The following ALMS1 variants were observed in gnomAD, a reference collection of about 807,000 sequenced individuals.
ALMS1 encodes ALMS1 centrosome and basal body associated protein.
A neutral mutation model predicts 352.2 loss-of-function variants in ALMS1; 271 were observed. The observed-to-expected ratio is 0.77, with a 90% CI of 0.70 to 0.85. ALMS1 has a LOEUF of 0.85. ALMS1 is among the 40% of genes least tolerant of loss of function. The pLI is 0.00. For missense variants in ALMS1, 5,445 were observed against 4,870.7 expected (o/e 1.12, Z -3.51); for synonymous variants, 1,865 against 1,761.2 (o/e 1.06, Z -1.48).
intron 16 of ALMS1, among the ~76,000 whole-genome samples, chr2:73,586,759 G>A (rs1171778762): frequency 2.6e-5 from 4 of 151,980 alleles, no homozygotes; most frequent in Non-Finnish European, 5.9e-5. Flanking sequence ...ATGAATTTTA[G>A]GATTGTTTTT....
At chr2:73,541,764 C>A (rs949086736) in intron 12 of ALMS1, among the ~76,000 whole-genome samples, 6 of 152,320 alleles carry the variant, frequency 3.9e-5, no homozygotes, top group African/African-American at 1.4e-4. Flanking sequence ...ACTAGAAAAT[C>A]TAGAAGAAAT....
chr2:73,485,025 C>G (rs1572964439), intron 9 of ALMS1, among the ~76,000 whole-genome samples: 1 of 152,068 alleles, frequency 6.6e-6, no homozygotes. Context: ...TTTGAATGTC[C>G]TCCCGTAGCT....
chr2:73,526,439 A>AT (rs1558681522), intron 11 of ALMS1, among the ~76,000 whole-genome samples: 1 of 151,928 alleles, frequency 6.6e-6, no homozygotes, highest in Non-Finnish European at 1.5e-5. Context: ...ATATTTTTCC[A>AT]TTTTTTTGTT....
chr2:73,526,613 A>G (rs925700534), intron 11 of ALMS1, among the ~76,000 whole-genome samples: 32 of 152,098 alleles, frequency 2.1e-4, no homozygotes, highest in African/African-American at 7.2e-4. Flanking sequence ...TAGAAATGTG[A>G]ACTGATTTTT....
At position 73,454,018 on chromosome 2, in the gene ALMS1, A is replaced by G; in HGVS notation, c.7491A>G (p.Lys2497=). The change falls in exon 8 of 23, where the codon AAA becomes AAG. Residue 2497 remains lysine (K), a synonymous_variant. Coordinates refer to ENST00000613296, the MANE Select transcript of ALMS1 (RefSeq NM_001378454.1). ...LQCESSLNHA[K]EILRNAEEEE... is the part of the protein sequence containing the mutation. ...GTGAATCCTCACTGAATCATGCTAA[A>G]GAAATACTCAGAAATGCAGAGGAAG... is the stretch of plus-strand genomic sequence containing the variant. 6.2e-7 allele frequency: 1 copy of G among 1,613,540 alleles called. No homozygotes were observed. The highest frequency in any genetic ancestry group is 8.5e-7 in the Non-Finnish European group (1 of 1,179,744).
intron 9 of ALMS1, among the ~76,000 whole-genome samples, chr2:73,479,816 A>G (rs1036995229): frequency 1.3e-5 from 2 of 152,140 alleles, no homozygotes; most frequent in African/African-American, 4.8e-5. Context: ...CAGGGTGGTT[A>G]TATCATTTAC....
At position 73,422,963 on chromosome 2, in the gene ALMS1, T is replaced by TA. The variant is rs748892226; in HGVS notation, c.753_754insA (p.Ala252SerfsTer8). 1.2e-6 allele frequency: 2 copies of TA among 1,609,838 alleles called. No homozygotes were observed. The highest frequency in any genetic ancestry group is 3.3e-5 in the Admixed American group (2 of 59,998). ...TATTTCATCAAAGTGAACTAAGTTT[T>TA]GCACCTCTGAGGTAGGATGATTTAT... On this transcript the variant is annotated frameshift_variant, in exon 4 of 23. Coordinates refer to ENST00000613296, the MANE Select transcript of ALMS1 (RefSeq NM_001378454.1). LOFTEE classifies it high-confidence loss of function.
chr2:73,511,875 G>A (rs1406673744), intron 10 of ALMS1, among the ~76,000 whole-genome samples: 1 of 152,138 alleles, frequency 6.6e-6, no homozygotes, highest in Non-Finnish European at 1.5e-5. Flanking sequence ...TCAGTGCTGA[G>A]GTTGAGAAAC....
At chr2:73,568,989 C>G (rs13400328) in intron 15 of ALMS1, among the ~76,000 whole-genome samples, 1 of 96,154 alleles carries the variant, frequency 1.0e-5, no homozygotes, top group African/African-American at 3.9e-5. Context: ...GCTGCTGCTT[C>G]TGCTTCTTTT....
chr2:73,593,191 G>GAA (rs1001144321), intron 16 of ALMS1, among the ~76,000 whole-genome samples: 7 of 133,884 alleles, frequency 5.2e-5, no homozygotes, highest in Admixed American at 7.5e-5. Context: ...ATGGATTCAG[G>GAA]AAAAAAAAAA....
chr2:73,590,724 G>A (rs1675414356), intron 16 of ALMS1, among the ~76,000 whole-genome samples: 1 of 146,042 alleles, frequency 6.8e-6, no homozygotes, highest in Non-Finnish European at 1.5e-5. Flanking sequence ...TGTCACCCAG[G>A]CTGGAGTGCA....
In ALMS1 at chr2:73,542,063, C is replaced by CA. The variant is rs769527843; in HGVS notation, c.9907+7120dup. On this transcript the variant is annotated intron_variant, in intron 12 of 22. Transcript: ENST00000613296. ...TACCAAAGCCTGGCAGAGACACAACCAAAAAACAGAATTTTAGACCAATAT... is the reference window on the plus strand; with the variant it reads ...TACCAAAGCCTGGCAGAGACACAACCAAAAAAACAGAATTTTAGACCAATAT... Among the ~76,000 whole-genome samples, 11 of 152,014 alleles carry CA rather than the reference C, an allele frequency of 7.2e-5. No individual in the cohort carries two copies. The East Asian group carries it at 1.7e-3, about 24-fold the overall frequency.
At chr2:73,387,379 T>C (rs913830121) in intron 1 of ALMS1, among the ~76,000 whole-genome samples, 2 of 152,250 alleles carry the variant, frequency 1.3e-5, no homozygotes, top group African/African-American at 4.8e-5. Context: ...TATGTGCTAA[T>C]ATTCTATGAA....
chr2:73,404,174 C>T (rs1387308534), intron 1 of ALMS1, among the ~76,000 whole-genome samples: 1 of 152,234 alleles, frequency 6.6e-6, no homozygotes, highest in Non-Finnish European at 1.5e-5. Context: ...GCTGGGATTA[C>T]AGGTGTGAGC....
intron 1 of ALMS1, among the ~76,000 whole-genome samples, chr2:73,405,171 C>T (rs1303924243): frequency 1.3e-5 from 2 of 152,186 alleles, no homozygotes; most frequent in African/African-American, 2.4e-5. Context: ...GCCTTGGCCT[C>T]CCAAAGTACT....
At chr2:73,590,876 T>C (rs1239846945) in intron 16 of ALMS1, among the ~76,000 whole-genome samples, 1 of 152,082 alleles carries the variant, frequency 6.6e-6, no homozygotes, top group Non-Finnish European at 1.5e-5. Context: ...AGACGGGGTT[T>C]CACCATGTTG....
At chr2:73,442,355 T>G (rs1462279149) in intron 7 of ALMS1, among the ~76,000 whole-genome samples, 1 of 152,198 alleles carries the variant, frequency 6.6e-6, no homozygotes, top group Non-Finnish European at 1.5e-5. Context: ...GGCACTGCTA[T>G]TATTCTATTT....
chr2:73,502,184 G>T (rs1435297464), intron 10 of ALMS1, among the ~76,000 whole-genome samples: 2 of 152,084 alleles, frequency 1.3e-5, no homozygotes, highest in African/African-American at 2.4e-5. Context: ...TTAGGGCAAT[G>T]AGTGCTGTAG....
rs1671513979 is a variant in ALMS1, at chr2:73,432,230, T to C, written c.1371T>C (p.Asp457=). 1 of 1,613,612 alleles carries C rather than the reference T, an allele frequency of 6.2e-7. No individual in the cohort carries two copies. Among genetic ancestry groups the C allele is most frequent in the African/African-American group, 1.3e-5 (1 of 75,032 alleles). Residue 457 remains aspartate (D), a synonymous_variant, in exon 7 of 23, where the codon GAT becomes GAC. Coordinates refer to ENST00000613296, the MANE Select transcript of ALMS1 (RefSeq NM_001378454.1). ...PTRESEYHSS[D]LRMLRMSPDT... ...GAGAGTCGGAATATCACTCTTCAGA[T>C]CTCAGAATGTTGAGGATGTCTCCTG...
Sources: gnomAD v4.1 joint callset for allele counts (sites outside exome capture counted in the v4.1 genomes callset) on GRCh38, gnomAD v4.1.1 for gene constraint, MANE v1.5 for transcripts, NCBI Gene and HGNC (gene_info 2026-07-23, HGNC 2026-07-21) for gene names.